DPP6: variants seen among roughly 807,000 people sequenced by gnomAD.
DPP6 encodes the protein A-type potassium channel modulatory protein DPP6.
A neutral mutation model predicts 122.6 loss-of-function variants in DPP6; 69 were observed. The observed-to-expected ratio is 0.56, with a 90% CI of 0.46 to 0.69. DPP6 has a LOEUF of 0.69. Ranked by LOEUF, DPP6 falls within the 30% of genes least tolerant of loss-of-function variation. DPP6 has a pLI of 0.00. For synonymous variants in DPP6, 418 were observed against 433.1 expected, an observed-to-expected ratio of 0.97 and a Z score of 0.43; for missense variants, 928 against 1,116.9, an observed-to-expected ratio of 0.83 and a Z score of 2.41.
At chr7:154,520,757 C>G (rs1017415945) in intron 3 of DPP6, among the ~76,000 whole-genome samples, 4 of 152,180 alleles carry the variant, frequency 2.6e-5, no homozygotes, top group African/African-American at 9.7e-5. Flanking sequence ...TGCATCTCCA[C>G]CAGCCAGAAT....
chr7:153,759,835 C>T, the DPP6 span, among the ~76,000 whole-genome samples: 1 of 151,934 alleles, frequency 6.6e-6, no homozygotes, highest in Non-Finnish European at 1.5e-5. Flanking sequence ...TGAGTTTATC[C>T]TTTTCATCAA....
intron 17 of DPP6, among the ~76,000 whole-genome samples, chr7:154,862,221 CT>C (rs1249181856): frequency 6.6e-6 from 1 of 152,174 alleles, no homozygotes; most frequent in African/African-American, 2.4e-5. Context: ...CTCGTGACGC[CT>C]GTGTCAGGCC....
chr7:154,676,782 C>T (rs981202541), intron 7 of DPP6, among the ~76,000 whole-genome samples: 5 of 152,238 alleles, frequency 3.3e-5, no homozygotes, highest in African/African-American at 7.2e-5. Flanking sequence ...AAACGAGTCC[C>T]TTTTAAGCAT....
At chr7:154,458,047 G>A (rs1195279113) in intron 2 of DPP6, among the ~76,000 whole-genome samples, 5 of 152,196 alleles carry the variant, frequency 3.3e-5, no homozygotes, top group Admixed American at 2.0e-4. Flanking sequence ...TGACCACAGA[G>A]GTGGAGATGG....
At chr7:153,868,273 T>A in the DPP6 span, among the ~76,000 whole-genome samples, 2 of 152,176 alleles carry the variant, frequency 1.3e-5, no homozygotes, top group Admixed American at 1.3e-4. Context: ...TGTGAATCCA[T>A]CTGGTCATGG....
intron 1 of DPP6, among the ~76,000 whole-genome samples, chr7:154,246,326 A>G (rs567335171): frequency 2.0e-5 from 3 of 152,198 alleles, no homozygotes; most frequent in Non-Finnish European, 4.4e-5. Flanking sequence ...TTTTTCTTCA[A>G]GAAGTTGGAA....
intron 1 of DPP6, among the ~76,000 whole-genome samples, chr7:154,384,911 T>C (rs1279009849): frequency 2.6e-5 from 4 of 152,080 alleles, no homozygotes; most frequent in Non-Finnish European, 5.9e-5. Flanking sequence ...TAAAGGAAAT[T>C]GTCTATACTA....
At chr7:154,836,901 T>C (rs1801094629) in intron 16 of DPP6, among the ~76,000 whole-genome samples, 1 of 152,104 alleles carries the variant, frequency 6.6e-6, no homozygotes, top group Non-Finnish European at 1.5e-5. Context: ...GAGACAGGGT[T>C]TCATCATGTT....
At chr7:154,645,148 C>T (rs574577224) in intron 6 of DPP6, among the ~76,000 whole-genome samples, 17 of 150,712 alleles carry the variant, frequency 1.1e-4, no homozygotes, top group African/African-American at 2.9e-4. Flanking sequence ...CTGCAAGCTC[C>T]GCCTCCCAGG....
intron 1 of DPP6, among the ~76,000 whole-genome samples, chr7:154,087,671 G>T (rs58398835): frequency 6.6e-6 from 1 of 152,138 alleles, no homozygotes; most frequent in Non-Finnish European, 1.5e-5. Flanking sequence ...AAGGTCCTCT[G>T]GTCCTTTGCT....
chr7:154,076,022 G>C (rs1411624112), intron 1 of DPP6, among the ~76,000 whole-genome samples: 1 of 151,400 alleles, frequency 6.6e-6, no homozygotes, highest in Admixed American at 6.6e-5. Context: ...TTATAATCCA[G>C]TTATCTGTCC....
intron 1 of DPP6, among the ~76,000 whole-genome samples, chr7:154,217,892 G>A: frequency 6.6e-6 from 1 of 152,180 alleles, no homozygotes; most frequent in Non-Finnish European, 1.5e-5. Context: ...AGAGGGCAGG[G>A]CTGAGGACCA....
intron 7 of DPP6, among the ~76,000 whole-genome samples, chr7:154,687,035 A>G (rs562175254): frequency 6.6e-6 from 1 of 152,068 alleles, no homozygotes; most frequent in East Asian, 2.0e-4. Context: ...TACATTTTGA[A>G]CATTATGTAA....
Position 154,481,342 on chromosome 7 carries a change from GAGGGGT to G in DPP6, c.457+6306_457+6311del, listed in dbSNP as rs1453485859. On this transcript the variant is annotated intron_variant, in intron 3 of 25. Transcript: ENST00000377770. The surrounding 1 kb of genome is among the most constrained non-coding windows in gnomAD (Gnocchi z 4.2). ...AGCTATACACTTGGAGAGAGAGAGA[GAGGGGT>G]GTGTGTGTGTGTGTGTGTGTGTGTG... Among the ~76,000 whole-genome samples, 2 of 82,370 alleles carry G rather than the reference GAGGGGT, an allele frequency of 2.4e-5. No homozygotes were observed. Among genetic ancestry groups the G allele is most frequent in the African/African-American group, 1.2e-4 (2 of 16,238 alleles). The allele number at this position is 82,370 out of a possible 152,430, so 54.0% of individuals were successfully genotyped here. A position where few individuals can be genotyped will look rare whatever the true frequency, so the allele number is the denominator to read the frequency against.
the DPP6 span, among the ~76,000 whole-genome samples, chr7:153,865,507 T>C: frequency 1.3e-5 from 2 of 152,184 alleles, no homozygotes; most frequent in African/African-American, 4.8e-5. Context: ...TTAGCTACAG[T>C]CCAAATGACA....
chr7:153,816,284 A>G, the DPP6 span, among the ~76,000 whole-genome samples: 1 of 150,370 alleles, frequency 6.7e-6, no homozygotes, highest in African/African-American at 2.4e-5. Flanking sequence ...AAGATCTGGT[A>G]AAATATTTGC....
At chr7:154,111,204 C>T (rs549811677) in intron 1 of DPP6, among the ~76,000 whole-genome samples, 4 of 152,308 alleles carry the variant, frequency 2.6e-5, no homozygotes, top group African/African-American at 9.6e-5. Flanking sequence ...ATTGATGGCA[C>T]TGTGCATTTT....
chr7:154,833,621 C>T lies in DPP6; in HGVS notation c.1667-20159C>T, dbSNP rs1323901805. Among the ~76,000 whole-genome samples, 2 of 152,130 alleles carry T rather than the reference C, an allele frequency of 1.3e-5. No homozygotes were observed. The highest frequency in any genetic ancestry group is 2.4e-5 in the African/African-American group (1 of 41,418). ...GTCATTGTAGCTCCGACTCTGACTC[C>T]GTATCTCAGAGGTGGGGGGCTCTGG... On this transcript the variant is annotated intron_variant, in intron 16 of 25. Coordinates refer to ENST00000377770, the MANE Select transcript of DPP6 (RefSeq NM_130797.4). The surrounding 1 kb of genome is among the most constrained non-coding windows in gnomAD (Gnocchi z 4.3).
intron 8 of DPP6, among the ~76,000 whole-genome samples, chr7:154,739,588 G>T (rs1008777671): frequency 1.3e-5 from 2 of 152,208 alleles, no homozygotes; most frequent in African/African-American, 4.8e-5. Flanking sequence ...CCAGGAAAAA[G>T]CTAGGGTGTG....
Sources: gnomAD v4.1 joint callset for allele counts (sites outside exome capture counted in the v4.1 genomes callset) on GRCh38, gnomAD v4.1.1 for gene constraint, Gnocchi (gnomAD v3.1) non-coding constraint, MANE v1.5 for transcripts, NCBI Gene and HGNC (gene_info 2026-07-23, HGNC 2026-07-21) for gene names.